The following C4orf51 variants were observed in gnomAD, a reference collection of about 807,000 sequenced individuals.
C4orf51 encodes chromosome 4 open reading frame 51.
A neutral mutation model predicts 25.2 loss-of-function variants in C4orf51; 25 were observed. The ratio of observed to expected loss-of-function variants is 0.99; its 90% CI spans 0.72 to 1.39. The LOEUF (loss-of-function observed/expected upper bound fraction) is 1.39, where lower values mean the gene tolerates loss of function less well. Ranked by LOEUF, C4orf51 falls within the 40% of genes most tolerant of loss-of-function variation. The probability of loss-of-function intolerance (pLI) is 0.00; values close to 1 mark genes in which losing one functional copy is unlikely to be tolerated. For missense variants in C4orf51, 252 were observed against 239.6 expected, an observed-to-expected ratio of 1.05 and a Z score of -0.34; for synonymous variants, 100 against 84.5, an observed-to-expected ratio of 1.18 and a Z score of -1.01.
Position 145,732,744 on chromosome 4 carries a change from T to A in C4orf51, c.*184T>A, listed in dbSNP as rs1253331042. The A allele has an allele frequency of 2.1e-6, 1 of 467,538 alleles. No homozygotes were observed. The highest frequency in any genetic ancestry group is 3.8e-6 in the Non-Finnish European group (1 of 264,970). 29.0% of individuals were successfully genotyped at this position (467,538 alleles called of 1,614,324 possible). On this transcript the variant is annotated 3_prime_UTR_variant, in exon 6 of 6. Transcript: ENST00000438731. Reference sequence around the variant, plus strand: ...ATCAGTTTTTTCCCTTTTTAATTGGTGGAGAGAGACAAAAGTTTTTATAAT... The same window carrying A: ...ATCAGTTTTTTCCCTTTTTAATTGGAGGAGAGAGACAAAAGTTTTTATAAT...
downstream of C4orf51, chr4:145,757,644 T>G (rs1441210920): frequency 6.6e-6 from 1 of 152,118 alleles, no homozygotes; most frequent in Non-Finnish European, 1.5e-5. Flanking sequence ...AACCTTTTTT[T>G]TTTTTTAATT....
intron 1 of C4orf51, among the ~76,000 whole-genome samples, chr4:145,686,408 T>C (rs1261618354): frequency 6.6e-6 from 1 of 152,220 alleles, no homozygotes; most frequent in Non-Finnish European, 1.5e-5. Context: ...ATAAATTTTC[T>C]CTTGTGTGTA....
intron 3 of C4orf51, among the ~76,000 whole-genome samples, chr4:145,728,311 G>C (rs1732228787): frequency 6.6e-6 from 1 of 151,750 alleles, no homozygotes; most frequent in Admixed American, 6.6e-5. Context: ...TCTAACATTA[G>C]CTTTAAAATA....
At chr4:145,713,703 C>A (rs1731252537) in intron 2 of C4orf51, among the ~76,000 whole-genome samples, 1 of 152,176 alleles carries the variant, frequency 6.6e-6, no homozygotes, top group African/African-American at 2.4e-5. Flanking sequence ...ACTGATAGAG[C>A]AGCAAGAGGG....
downstream of C4orf51, among the ~76,000 whole-genome samples, chr4:145,756,916 T>C (rs758179828): frequency 2.0e-5 from 3 of 152,220 alleles, no homozygotes; most frequent in Non-Finnish European, 4.4e-5. Flanking sequence ...TGGTTCACAA[T>C]TGCTTGAAAT....
chr4:145,787,937 C>G, the C4orf51 span, among the ~76,000 whole-genome samples: 1 of 152,104 alleles, frequency 6.6e-6, no homozygotes, highest in African/African-American at 2.4e-5. Flanking sequence ...AACCCAAGAT[C>G]AAGGAGGAAT....
At chr4:145,740,064 C>T (rs1733009808) in intron 1 of C4orf51, among the ~76,000 whole-genome samples, 1 of 151,982 alleles carries the variant, frequency 6.6e-6, no homozygotes, top group South Asian at 2.1e-4. Context: ...GGAAGCAAGC[C>T]AGGTGAAAAC....
At chr4:145,701,629 C>T (rs1730451371) in intron 2 of C4orf51, among the ~76,000 whole-genome samples, 1 of 151,630 alleles carries the variant, frequency 6.6e-6, no homozygotes, top group South Asian at 2.1e-4. Context: ...GTAACTCTCA[C>T]AGTGGAAGGT....
chr4:145,770,726 G>A (rs1736153300), intron 1 of C4orf51, among the ~76,000 whole-genome samples: 2 of 151,996 alleles, frequency 1.3e-5, no homozygotes. Context: ...TATCCATGGA[G>A]GGGATTATTC....
intron 1 of C4orf51, among the ~76,000 whole-genome samples, chr4:145,746,884 C>T (rs1400202053): frequency 6.6e-6 from 1 of 151,958 alleles, no homozygotes; most frequent in African/African-American, 2.4e-5. Flanking sequence ...TCTTCAATTT[C>T]TTGCATTAAG....
chr4:145,702,271 T>A (rs189575978), intron 2 of C4orf51, among the ~76,000 whole-genome samples: 325 of 151,808 alleles, frequency 2.1e-3, no homozygotes, highest in African/African-American at 7.6e-3. Flanking sequence ...CACCCCGTGG[T>A]GCCAAACCCA....
intron 1 of C4orf51, among the ~76,000 whole-genome samples, chr4:145,745,519 C>T (rs913849204): frequency 5.9e-5 from 9 of 152,156 alleles, no homozygotes; most frequent in African/African-American, 2.2e-4. Flanking sequence ...TAACAATCTC[C>T]AGTTCCATCT....
intron 2 of C4orf51, among the ~76,000 whole-genome samples, chr4:145,712,354 G>A (rs536452629): frequency 6.6e-6 from 1 of 152,320 alleles, no homozygotes; most frequent in African/African-American, 2.4e-5. Context: ...TAGCCAAGTT[G>A]TGAATACAAA....
chr4:145,711,753 AT>A (rs1179085910), intron 2 of C4orf51, among the ~76,000 whole-genome samples: 3 of 151,910 alleles, frequency 2.0e-5, no homozygotes, highest in African/African-American at 7.3e-5. Flanking sequence ...CAGCTCCAGA[AT>A]TTTTTTTAAT....
In C4orf51 at chr4:145,761,943, G is replaced by T. The variant is rs1734580631; in HGVS notation, n.167-9045G>T. 6.6e-6 allele frequency among the ~76,000 whole-genome samples: 1 copy of T among 152,006 alleles called. No individual in the cohort carries two copies. The highest frequency in any genetic ancestry group is 1.5e-5 in the Non-Finnish European group (1 of 68,000). On this transcript the variant is annotated intron_variant and non_coding_transcript_variant, in intron 1 of 1. Coordinates refer to the C4orf51 transcript ENST00000510096. The surrounding 1 kb of genome is among the most constrained non-coding windows in gnomAD (Gnocchi z 6.8). ...TCCAGCCCCCGCCCGGCCCCTCGGA[G>T]CCCTCCCCACTCCCGACCAGACAGC...
At chr4:145,742,908 G>A (rs906294615) in intron 1 of C4orf51, among the ~76,000 whole-genome samples, 1 of 152,178 alleles carries the variant, frequency 6.6e-6, no homozygotes, top group African/African-American at 2.4e-5. Context: ...TCTGCACAAG[G>A]ATGTTAAGAG....
chr4:145,723,971 T>C (rs535687364), intron 2 of C4orf51, among the ~76,000 whole-genome samples: 3 of 152,330 alleles, frequency 2.0e-5, no homozygotes, highest in Admixed American at 6.5e-5. Flanking sequence ...GAGACATTTC[T>C]AGTTCAGTGA....
chr4:145,780,220 CAAAA>C, the C4orf51 span, among the ~76,000 whole-genome samples: 1 of 123,350 alleles, frequency 8.1e-6, no homozygotes, highest in Non-Finnish European at 1.8e-5. Flanking sequence ...AACAAACAAA[CAAAA>C]AAGAATTGTA....
In C4orf51 at chr4:145,732,701, A is replaced by G. The variant is rs1165904833; in HGVS notation, c.*141A>G. On this transcript the variant is annotated 3_prime_UTR_variant, in exon 6 of 6. Transcript: ENST00000438731. ...CCTGGCAGGTTGGCTTTCTGGGACA[A>G]TTCCATGGGCTTCATTTATCAGTTT... 3.8e-6 allele frequency: 2 copies of G among 532,468 alleles called. No homozygotes were observed. The highest frequency in any genetic ancestry group is 6.7e-6 in the Non-Finnish European group (2 of 298,434). The allele number at this position is 532,468 out of a possible 1,614,324, so 33.0% of individuals were successfully genotyped here. A position where few individuals can be genotyped will look rare whatever the true frequency, so the allele number is the denominator to read the frequency against.
Sources: gnomAD v4.1 joint callset for allele counts (sites outside exome capture counted in the v4.1 genomes callset) on GRCh38, gnomAD v4.1.1 for gene constraint, Gnocchi (gnomAD v3.1) non-coding constraint, MANE v1.5 for transcripts, NCBI Gene and HGNC (gene_info 2026-07-23, HGNC 2026-07-21) for gene names.